Variants in ZPR1 observed in about 807,000 individuals in gnomAD.
The protein encoded by ZPR1 is ZPR1 zinc finger.
In ZPR1, 37 loss-of-function variants were observed where a neutral mutation model predicts 59.6. The ratio of observed to expected loss-of-function variants is 0.62; its 90% CI spans 0.48 to 0.82. The LOEUF (loss-of-function observed/expected upper bound fraction) is 0.82. Ranked by LOEUF, ZPR1 falls within the 40% of genes least tolerant of loss-of-function variation. The pLI, the probability that ZPR1 is intolerant of heterozygous loss-of-function variation, is 0.00. For missense variants in ZPR1, 527 were observed against 579.9 expected (o/e 0.91, Z 0.94); for synonymous variants, 191 against 215.2 (o/e 0.89, Z 0.99).
chr11:116,774,445 T>C lies in ZPR1; in HGVS notation c.*4480A>G, dbSNP rs1166955428. 6.6e-6 allele frequency: 1 copy of C among 152,166 alleles called. No individual in the cohort carries two copies. Among genetic ancestry groups the C allele is most frequent in the Non-Finnish European group, 1.5e-5 (1 of 68,026 alleles). The allele number at this position is 152,166 out of a possible 1,614,324, so 9.4% of individuals were successfully genotyped here. A position where few individuals can be genotyped will look rare whatever the true frequency, so the allele number is the denominator to read the frequency against. ...ACACAAAAGTGCAAACAATAGTTTC[T>C]TGGACCAAGAGTCAAAAAGGTCACT... On this transcript the variant is annotated 3_prime_UTR_variant, in exon 14 of 14. Coordinates refer to ENST00000227322, the MANE Select transcript of ZPR1 (RefSeq NM_003904.5).
At position 116,783,523 on chromosome 11, in the gene ZPR1, C is replaced by A. The variant is rs1244668852; in HGVS notation, c.981+7G>T. ...GACAACAGTGACTTTCCCAAGCAGACTGTTACCTTGAGGAGGTCTCTGGTC... is the reference window on the plus strand; with the variant it reads ...GACAACAGTGACTTTCCCAAGCAGAATGTTACCTTGAGGAGGTCTCTGGTC... On this transcript the variant is annotated splice_region_variant and intron_variant, in intron 10 of 13. Coordinates refer to ENST00000227322, the MANE Select transcript of ZPR1 (RefSeq NM_003904.5). The A allele has an allele frequency of 6.2e-7, 1 of 1,611,948 alleles. No homozygotes were observed. The highest frequency in any genetic ancestry group is 8.5e-7 in the Non-Finnish European group (1 of 1,178,106).
rs369492295 is a variant in ZPR1 at position 116,784,928 on chromosome 11, C to A, written c.754-7G>T. On this transcript the variant is annotated splice_region_variant and splice_polypyrimidine_tract_variant and intron_variant, in intron 7 of 13. Coordinates refer to ENST00000227322, the MANE Select transcript of ZPR1 (RefSeq NM_003904.5). ...TTGTGCTGAACTGGAGCACCTGGAA[C>A]ACAACATGAGGACAAAGGGTGAGCC... 2.6e-4 allele frequency: 414 copies of A among 1,614,026 alleles called. No individual in the cohort carries two copies. Among genetic ancestry groups the A allele is most frequent in the Non-Finnish European group, 3.2e-4 (372 of 1,180,028 alleles).
intron 4 of ZPR1, 102 bp from the exon 5 acceptor site, chr11:116,785,984 C>A: frequency 1.0e-6 from 1 of 999,694 alleles, no homozygotes; most frequent in East Asian, 2.4e-5. Flanking sequence ...CCACCTATCT[C>A]AGTGTGAGTG....
Position 116,786,603 on chromosome 11 carries a change from C to G in ZPR1, c.425-22G>C, listed in dbSNP as rs768578500. 3.7e-6 allele frequency: 6 copies of G among 1,608,042 alleles called. No individual in the cohort carries two copies. The African/African-American group carries it at 8.0e-5, about 22-fold the overall frequency. On this transcript the variant is annotated intron_variant, in intron 3 of 13. Coordinates refer to ENST00000227322, the MANE Select transcript of ZPR1 (RefSeq NM_003904.5). ...AGAGCTTGTGAACAAGAACAAAAGA[C>G]AAGTGTGACTTAGCCTCAGCTCTGC...
chr11:116,785,263 C>T, intron 6 of ZPR1, 117 bp from the exon 7 acceptor site: 1 of 1,229,994 alleles, frequency 8.1e-7, no homozygotes, highest in Non-Finnish European at 1.2e-6. Flanking sequence ...TCAGGTGCCA[C>T]CTCATCAGTT....
intron 2 of ZPR1, 57 bp downstream of exon 2, chr11:116,787,425 C>A (rs1940904223): frequency 6.4e-7 from 1 of 1,572,638 alleles, no homozygotes; most frequent in Admixed American, 1.7e-5. Context: ...AGAGCTCTGA[C>A]CCCAGTACCG....
At position 116,786,027 on chromosome 11, in the gene ZPR1, G is replaced by C. The variant is rs1940883041; in HGVS notation, c.496-145C>G. On this transcript the variant is annotated intron_variant, in intron 4 of 13. Coordinates refer to ENST00000227322, the MANE Select transcript of ZPR1 (RefSeq NM_003904.5). ...AGTGACTCAGGCTTCACAATGAGAT[G>C]TAGCAAACAAGCCTGAAGTTGACGG... The C allele has an allele frequency of 4.1e-6, 3 of 737,876 alleles. No homozygotes were observed. In the South Asian group the frequency reaches 4.8e-5, roughly 12 times the overall value. The allele number at this position is 737,876 out of a possible 1,614,324, so 45.7% of individuals were successfully genotyped here. A position where few individuals can be genotyped will look rare whatever the true frequency, so the allele number is the denominator to read the frequency against.
rs752246599 is a variant in ZPR1 at position 116,785,567 on chromosome 11, C to T, written c.652G>A (p.Val218Met). Reference protein sequence around the residue: ...PHAPQKDDALVITHYNRTRQQ... With the variant: ...PHAPQKDDALMITHYNRTRQQ... Reference sequence around the variant, plus strand: ...CGGGTCCGGTTGTAGTGTGTGATCACCAGGGCATCATCTTTCTGAGGAGCA... The same window carrying T: ...CGGGTCCGGTTGTAGTGTGTGATCATCAGGGCATCATCTTTCTGAGGAGCA... Residue 218 changes from valine to methionine, a missense_variant, in exon 6 of 14, where the codon GTG becomes ATG. Transcript: ENST00000227322. The T allele has an allele frequency of 5.6e-6, 9 of 1,614,178 alleles. No individual in the cohort carries two copies. In the South Asian group the frequency reaches 9.9e-5, roughly 18 times the overall value.
chr11:116,786,685 C>T, intron 3 of ZPR1, 104 bp from the exon 4 acceptor site: 1 of 998,804 alleles, frequency 1.0e-6, no homozygotes, highest in Non-Finnish European at 1.5e-6. Flanking sequence ...GTCTTAATTT[C>T]CTCATCTGTA....
chr11:116,785,844 G>A lies in ZPR1; in HGVS notation c.534C>T (p.Phe178=), dbSNP rs1166612238. 1 of 1,614,174 alleles carries A rather than the reference G, an allele frequency of 6.2e-7. No individual in the cohort carries two copies. Among genetic ancestry groups the A allele is most frequent in the Admixed American group, 1.7e-5 (1 of 60,016 alleles). The change falls in exon 5 of 14, where the codon TTC becomes TTT. Residue 178 remains phenylalanine, a synonymous_variant. Coordinates refer to ENST00000227322, the MANE Select transcript of ZPR1 (RefSeq NM_003904.5). ...GCTTTAGCTCCTTCAGTTTGACAATGAACTCATCAATTCTTTCAGCTGTAG... is the reference window on the plus strand; with the variant it reads ...GCTTTAGCTCCTTCAGTTTGACAATAAACTCATCAATTCTTTCAGCTGTAG... ...KDATAERIDE[F]IVKLKELKQV... is the part of the protein sequence containing the mutation.
At chr11:116,783,192 C>A (rs1565321189) in intron 10 of ZPR1, among the ~76,000 whole-genome samples, 163 bp from the exon 11 acceptor site, 1 of 152,234 alleles carries the variant, frequency 6.6e-6, no homozygotes, top group Non-Finnish European at 1.5e-5. Flanking sequence ...TCCTGTCCAT[C>A]TGAACCACGG....
rs1411017464 is a variant in ZPR1 at position 116,776,499 on chromosome 11, C to T, written c.*2426G>A. ...AACTATATGTAAGCTCCCATCCTGA[C>T]ACACTTTATGAAATGAGAAAGGAGC... On this transcript the variant is annotated 3_prime_UTR_variant, in exon 14 of 14. Coordinates refer to ENST00000227322, the MANE Select transcript of ZPR1 (RefSeq NM_003904.5). 6.6e-6 allele frequency: 1 copy of T among 152,196 alleles called. No individual in the cohort carries two copies. Among genetic ancestry groups the T allele is most frequent in the East Asian group, 1.9e-4 (1 of 5,200 alleles). The allele number at this position is 152,196 out of a possible 1,614,324, so 9.4% of individuals were successfully genotyped here.
rs1295582241 is a variant in ZPR1 at position 116,774,413 on chromosome 11, CACA to C, written c.*4509_*4511del. The C allele has an allele frequency of 2.0e-5, 3 of 152,046 alleles. No homozygotes were observed. Among genetic ancestry groups the C allele is most frequent in the Admixed American group, 6.5e-5 (1 of 15,272 alleles). The allele number at this position is 152,046 out of a possible 1,614,324, so 9.4% of individuals were successfully genotyped here. On this transcript the variant is annotated 3_prime_UTR_variant, in exon 14 of 14. Coordinates refer to ENST00000227322, the MANE Select transcript of ZPR1 (RefSeq NM_003904.5). ...CTGACAGAATTTGCAGGATGCTATA[CACA>C]ACTACACAAAAGTGCAAACAATAGT...
intron 6 of ZPR1, 131 bp from the exon 7 acceptor site, chr11:116,785,277 G>A: frequency 8.6e-7 from 1 of 1,157,042 alleles, no homozygotes; most frequent in South Asian, 1.4e-5. Context: ...ATCAGTTAGA[G>A]AAACCACAAA....
rs1297830883 is a variant in ZPR1, at chr11:116,785,624, G to T, written c.595C>A (p.Pro199Thr). 27 of 1,614,026 alleles carry T rather than the reference G, an allele frequency of 1.7e-5. No homozygotes were observed. The highest frequency in any genetic ancestry group is 2.0e-5 in the Non-Finnish European group (24 of 1,180,034). ...ASPFTLIIDDPSGNSFVENPH... is the reference protein window; with the variant it reads ...ASPFTLIIDDTSGNSFVENPH... ...TTTTCCACAAAACTGTTCCCTGAGG[G>T]ATCATCAATGATCTAACAAATGGGA... The change falls in exon 6 of 14, where the codon CCC becomes ACC. Residue 199 changes from proline to threonine, a missense_variant. Coordinates refer to ENST00000227322, the MANE Select transcript of ZPR1 (RefSeq NM_003904.5).
intron 2 of ZPR1, 125 bp from the exon 3 acceptor site, chr11:116,787,184 G>T: frequency 2.3e-6 from 2 of 860,158 alleles, no homozygotes; most frequent in Non-Finnish European, 3.8e-6. Flanking sequence ...CACTCCACAG[G>T]GTCCAGACTG....
chr11:116,786,362 T>C (rs1046858338), intron 4 of ZPR1, 149 bp downstream of exon 4: 1 of 759,116 alleles, frequency 1.3e-6, no homozygotes. Flanking sequence ...ACAATAATTA[T>C]AACATATGCA....
intron 12 of ZPR1, among the ~76,000 whole-genome samples, chr11:116,780,382 G>C (rs994800779): frequency 8.0e-5 from 12 of 150,124 alleles, no homozygotes; most frequent in Non-Finnish European, 1.8e-4. Flanking sequence ...ACAGCTCTCA[G>C]AACACTGCCA....
chr11:116,787,662 G>C lies in ZPR1; in HGVS notation c.172-19C>G. 1.2e-6 allele frequency: 2 copies of C among 1,600,054 alleles called. No homozygotes were observed. The highest frequency in any genetic ancestry group is 1.7e-6 in the Non-Finnish European group (2 of 1,169,412). ...TCATGCCCTGGTGAAGTAGAAAGTA[G>C]CTAAGGAAAAAAATCAATGAAACTC... is the stretch of plus-strand genomic sequence containing the variant. On this transcript the variant is annotated intron_variant, in intron 1 of 13. Coordinates refer to ENST00000227322, the MANE Select transcript of ZPR1 (RefSeq NM_003904.5).
Sources: gnomAD v4.1 joint callset for allele counts (sites outside exome capture counted in the v4.1 genomes callset) on GRCh38, gnomAD v4.1.1 for gene constraint, MANE v1.5 for transcripts, NCBI Gene and HGNC (gene_info 2026-07-23, HGNC 2026-07-21) for gene names.